Variants in KIF1C observed in about 807,000 individuals in gnomAD.
KIF1C encodes the protein kinesin family member 1C.
Under a neutral mutation model 126.5 loss-of-function variants are expected in KIF1C, and 61 were observed. The observed-to-expected ratio is 0.48, with a 90% confidence interval of 0.39 to 0.60. KIF1C has a LOEUF of 0.60. Ranked by LOEUF, KIF1C falls within the 20% of genes least tolerant of loss-of-function variation. KIF1C has a pLI of 0.00. For synonymous variants in KIF1C, 640 were observed against 580.6 expected (o/e 1.10, Z -1.47); for missense variants, 1,315 against 1,489.2 (o/e 0.88, Z 1.93).
chr17:5,011,095 GAGA>G (rs1027529574), intron 16 of KIF1C, among the ~76,000 whole-genome samples: 1 of 152,180 alleles, frequency 6.6e-6, no homozygotes, highest in Admixed American at 6.5e-5. Context: ...TGTGATTGGT[GAGA>G]AGGTGTCTTA....
chr17:5,022,286 G>C lies in KIF1C; in HGVS notation c.2205G>C (p.Gln735His). 1 of 1,613,552 alleles carries C rather than the reference G, an allele frequency of 6.2e-7. No homozygotes were observed. Among genetic ancestry groups the C allele is most frequent in the Non-Finnish European group, 8.5e-7 (1 of 1,179,782 alleles). ...AGATCCCCCAGCGACGCAGGCTGCA[G>C]GGCAAAGACCCCCGCTGGGCCACCA... ...VYQIPQRRRL[Q>H]GKDPRWATMA... is the part of the protein sequence containing the mutation. The change falls in exon 22 of 23, where the codon CAG becomes CAC. Residue 735 changes from glutamine to histidine, a missense_variant. Around this residue, in one of 2 missense-constraint regions of KIF1C, gnomAD observed 874 missense variants for 1,053.2 expected, o/e 0.83. Transcript: ENST00000320785. The surrounding 1 kb of genome is among the most constrained non-coding windows in gnomAD (Gnocchi z 4.9).
rs746243291 is a variant in KIF1C, at chr17:5,023,289, G to A, written c.2629-179G>A. ...CCACCTCAGCTTCCCAAAGTGCTGCGATTACAGGCGTGAGCCACTGCGCCC... is the reference window on the plus strand; with the variant it reads ...CCACCTCAGCTTCCCAAAGTGCTGCAATTACAGGCGTGAGCCACTGCGCCC... On this transcript the variant is annotated intron_variant, in intron 22 of 22. Transcript: ENST00000320785. This position sits in a 1 kb window ranked among gnomAD's most constrained non-coding sequence, Gnocchi z 4.2. 6.6e-6 allele frequency among the ~76,000 whole-genome samples: 1 copy of A among 152,046 alleles called. No homozygotes were observed. The highest frequency in any genetic ancestry group is 2.4e-5 in the African/African-American group (1 of 41,374).
chr17:5,020,094 G>C lies in KIF1C; in HGVS notation c.1750+15G>C, dbSNP rs769148521. ...GCTGAAGTCAGGTAGAAGATGTGTC[G>C]CAGATTGAGGGTTCTGGGGCGTGGC... On this transcript the variant is annotated intron_variant, in intron 19 of 22. Transcript: ENST00000320785. The surrounding 1 kb of genome is among the most constrained non-coding windows in gnomAD (Gnocchi z 5.8). 1 of 1,567,622 alleles carries C rather than the reference G, an allele frequency of 6.4e-7. No individual in the cohort carries two copies. The highest frequency in any genetic ancestry group is 2.4e-5 in the East Asian group (1 of 42,516).
Position 5,020,144 on chromosome 17 carries a change from G to T in KIF1C, c.1750+65G>T, listed in dbSNP as rs1038138979. 3.8e-5 allele frequency: 46 copies of T among 1,200,944 alleles called. No individual in the cohort carries two copies. Among genetic ancestry groups the T allele is most frequent in the Non-Finnish European group, 8.5e-6 (7 of 826,370 alleles). 74.4% of individuals were successfully genotyped at this position (1,200,944 alleles called of 1,614,324 possible). A position where few individuals can be genotyped will look rare whatever the true frequency, so the allele number is the denominator to read the frequency against. ...CTGTGTGTAGGAAGTCTCAAGGGAG[G>T]TCCTTCTGGGTGCATCCTAGAGGAG... On this transcript the variant is annotated intron_variant, in intron 19 of 22. Coordinates refer to ENST00000320785, the MANE Select transcript of KIF1C (RefSeq NM_006612.6). The surrounding 1 kb of genome is among the most constrained non-coding windows in gnomAD (Gnocchi z 5.8).
Position 5,022,519 on chromosome 17 carries a change from G to C in KIF1C, c.2438G>C (p.Gly813Ala). The part of the protein sequence containing the change: ...VWDTVGEEEG[G>A]GAGSGGGSEE... ...GACACTGTAGGCGAGGAGGAAGGAG[G>C]TGGAGCTGGCAGTGGTGGTGGCAGT... Residue 813 changes from glycine to alanine, a missense_variant, in exon 22 of 23, where the codon GGT becomes GCT. Gly to Ala is a moderately conservative substitution (Grantham distance 60). Transcript: ENST00000320785. The surrounding 1 kb of genome is among the most constrained non-coding windows in gnomAD (Gnocchi z 4.9). 6.3e-7 allele frequency: 1 copy of C among 1,588,696 alleles called. No homozygotes were observed. The highest frequency in any genetic ancestry group is 8.6e-7 in the Non-Finnish European group (1 of 1,166,732).
rs925869119 is a variant in KIF1C at position 5,024,753 on chromosome 17, G to C, written c.*602G>C. 6.5e-6 allele frequency: 1 copy of C among 152,978 alleles called. No individual in the cohort carries two copies. The highest frequency in any genetic ancestry group is 1.5e-5 in the Non-Finnish European group (1 of 68,322). The allele number at this position is 152,978 out of a possible 1,614,324, so 9.5% of individuals were successfully genotyped here. A position where few individuals can be genotyped will look rare whatever the true frequency, so the allele number is the denominator to read the frequency against. On this transcript the variant is annotated 3_prime_UTR_variant, in exon 23 of 23. Transcript: ENST00000320785. The stretch of plus-strand genomic sequence containing the variant: ...TTTCATGGAGGTGTAGGTTATATAA[G>C]GCAATGGCACAGGTCTTAAGCATAC...
At chr17:5,012,858 C>A (rs539421335) in intron 16 of KIF1C, among the ~76,000 whole-genome samples, 2 of 152,270 alleles carry the variant, frequency 1.3e-5, no homozygotes, top group South Asian at 4.1e-4. Context: ...ATAATGGAAA[C>A]AAGTCAGGAG....
chr17:5,014,305 A>C (rs1974926960), intron 17 of KIF1C: 1 of 166,744 alleles, frequency 6.0e-6, no homozygotes, highest in African/African-American at 2.4e-5. Flanking sequence ...CGTTTCTCCC[A>C]GGTTTGCTTG....
chr17:5,026,961 G>A lies in KIF1C; in HGVS notation c.*2810G>A, dbSNP rs1975218611. Reference sequence around the variant, plus strand: ...AATAAAAATCAAAAATAATACTGTGGGCAAACTTTACTTAGATTTTATTCA... The same window carrying A: ...AATAAAAATCAAAAATAATACTGTGAGCAAACTTTACTTAGATTTTATTCA... On this transcript the variant is annotated 3_prime_UTR_variant, in exon 23 of 23. Transcript: ENST00000320785. 6.6e-6 allele frequency: 1 copy of A among 151,850 alleles called. No homozygotes were observed. The allele number at this position is 151,850 out of a possible 1,614,324, so 9.4% of individuals were successfully genotyped here. A position where few individuals can be genotyped will look rare whatever the true frequency, so the allele number is the denominator to read the frequency against.
intron 16 of KIF1C, 56 bp downstream of exon 16, chr17:5,007,598 AG>A: frequency 7.0e-7 from 1 of 1,427,938 alleles, no homozygotes; most frequent in Non-Finnish European, 9.5e-7. Flanking sequence ...CCTAGAAAAG[AG>A]GCAGCAGGTG....
chr17:5,023,258 A>G lies in KIF1C; in HGVS notation c.2629-210A>G, dbSNP rs569350477. On this transcript the variant is annotated intron_variant, in intron 22 of 22. Coordinates refer to ENST00000320785, the MANE Select transcript of KIF1C (RefSeq NM_006612.6). This position sits in a 1 kb window ranked among gnomAD's most constrained non-coding sequence, Gnocchi z 4.2. The stretch of plus-strand genomic sequence containing the variant: ...ATGGTCTTGATCTCTTGACCTTGTG[A>G]TCCGCCCACCTCAGCTTCCCAAAGT... Among the ~76,000 whole-genome samples, 3 of 151,802 alleles carry G rather than the reference A, an allele frequency of 2.0e-5. No homozygotes were observed.
intron 11 of KIF1C, 60 bp downstream of exon 11, chr17:5,004,133 C>A: frequency 8.4e-7 from 1 of 1,192,368 alleles, no homozygotes; most frequent in Non-Finnish European, 1.3e-6. Context: ...TCTTTTGATA[C>A]ATCTGACAAA....
chr17:4,999,362 C>G (rs1353787508), intron 1 of KIF1C, among the ~76,000 whole-genome samples: 5 of 152,208 alleles, frequency 3.3e-5, no homozygotes, highest in Admixed American at 2.0e-4. Flanking sequence ...TCTCTGGTCT[C>G]TCTTCTGGGC....
chr17:5,013,791 G>C, intron 17 of KIF1C, 59 bp downstream of exon 17: 1 of 1,362,020 alleles, frequency 7.3e-7, no homozygotes, highest in Non-Finnish European at 1.0e-6. Flanking sequence ...GGCTGCCAAG[G>C]GTTGTCCACA....
intron 13 of KIF1C, 103 bp from the exon 14 acceptor site, chr17:5,006,812 G>A (rs1302929831): frequency 9.9e-6 from 12 of 1,206,112 alleles, no homozygotes; most frequent in African/African-American, 3.1e-5. Flanking sequence ...GTCTTCTGTA[G>A]TCCTTACAGA....
rs1373553825 is a variant in KIF1C, at chr17:5,022,691, G to T, written c.2610G>T (p.Arg870Ser). 2 of 1,556,020 alleles carry T rather than the reference G, an allele frequency of 1.3e-6. No individual in the cohort carries two copies. The highest frequency in any genetic ancestry group is 8.7e-7 in the Non-Finnish European group (1 of 1,151,970). Reference protein sequence around the residue: ...ALRDRMLRMERVIPLAQDHED... With the variant: ...ALRDRMLRMESVIPLAQDHED... Reference sequence around the variant, plus strand: ...GGGACCGCATGCTCCGCATGGAGAGGGTCATCCCCCTGGCCCAGGTAGGAC... The same window carrying T: ...GGGACCGCATGCTCCGCATGGAGAGTGTCATCCCCCTGGCCCAGGTAGGAC... The change falls in exon 22 of 23, where the codon AGG becomes AGT. Residue 870 changes from arginine to serine, a missense_variant. This residue lies in a region of KIF1C where 441 missense variants were observed against 436.1 expected (regional missense o/e 1.01). Transcript: ENST00000320785. The surrounding 1 kb of genome is among the most constrained non-coding windows in gnomAD (Gnocchi z 4.9).
In KIF1C at chr17:5,022,868, C is replaced by T. The variant is rs1343520061; in HGVS notation, c.2628+159C>T. ...TATTGTTTACGAACCACATGCCTCG[C>T]TGTCACCAGGCTGCTAATTAAAATA... On this transcript the variant is annotated intron_variant, in intron 22 of 22. Coordinates refer to ENST00000320785, the MANE Select transcript of KIF1C (RefSeq NM_006612.6). The surrounding 1 kb of genome is among the most constrained non-coding windows in gnomAD (Gnocchi z 4.9). 6.6e-6 allele frequency among the ~76,000 whole-genome samples: 1 copy of T among 152,234 alleles called. No individual in the cohort carries two copies. The highest frequency in any genetic ancestry group is 1.5e-5 in the Non-Finnish European group (1 of 68,034).
At chr17:5,005,685 C>A (rs913560826) in intron 13 of KIF1C, among the ~76,000 whole-genome samples, 1 of 151,952 alleles carries the variant, frequency 6.6e-6, no homozygotes, top group East Asian at 1.9e-4. Context: ...GAAACACTAG[C>A]ACACATGACG....
intron 18 of KIF1C, 33 bp from the exon 19 acceptor site, chr17:5,019,963 T>C: frequency 6.4e-7 from 1 of 1,553,444 alleles, no homozygotes; most frequent in South Asian, 1.2e-5. Flanking sequence ...CTCCAGGGTC[T>C]AATCTTTCCC....
Sources: gnomAD v4.1 joint callset for allele counts (sites outside exome capture counted in the v4.1 genomes callset) on GRCh38, gnomAD v4.1.1 for gene constraint, gnomAD v4.1.1 regional missense constraint, Gnocchi (gnomAD v3.1) non-coding constraint, MANE v1.5 for transcripts, NCBI Gene and HGNC (gene_info 2026-07-23, HGNC 2026-07-21) for gene names.